The following CADM2 variants were observed in gnomAD, a reference collection of about 807,000 sequenced individuals.
The protein encoded by CADM2 is cell adhesion molecule 2.
In CADM2, 12 loss-of-function variants were observed where a neutral mutation model predicts 49.8. The ratio of observed to expected loss-of-function variants is 0.24; its 90% confidence interval spans 0.15 to 0.39. The LOEUF (loss-of-function observed/expected upper bound fraction) is 0.39. Ranked by LOEUF, CADM2 falls within the 10% of genes least tolerant of loss-of-function variation. The pLI is 1.00. For synonymous variants in CADM2, 214 were observed against 175.4 expected (o/e 1.22, Z -1.74); for missense variants, 378 against 492.3 (o/e 0.77, Z 2.20).
intron 8 of CADM2, among the ~76,000 whole-genome samples, chr3:86,040,810 A>C (rs1286334491): frequency 6.6e-6 from 1 of 152,170 alleles, no homozygotes; most frequent in Non-Finnish European, 1.5e-5. Flanking sequence ...TGAAGGAAAA[A>C]ATGTTAAGGG....
intron 2 of CADM2, among the ~76,000 whole-genome samples, chr3:85,747,616 C>A (rs1173415000): frequency 6.6e-6 from 1 of 151,998 alleles, no homozygotes; most frequent in Non-Finnish European, 1.5e-5. Flanking sequence ...CTATGATGTT[C>A]TGGTGCCTTA....
At chr3:85,183,662 ATTCCATACAAAGTT>A (rs1353888450) in intron 1 of CADM2, among the ~76,000 whole-genome samples, 1 of 152,174 alleles carries the variant, frequency 6.6e-6, no homozygotes, top group Non-Finnish European at 1.5e-5. Context: ...AAATCTTACT[ATTCCATACAAAGTT>A]GAGCTATCCA....
chr3:85,406,517 C>T (rs1017933949), intron 1 of CADM2, among the ~76,000 whole-genome samples: 9 of 152,116 alleles, frequency 5.9e-5, no homozygotes, highest in African/African-American at 1.2e-4. Context: ...CCTTGCTGTA[C>T]GTGTTTGTAT....
intron 1 of CADM2, among the ~76,000 whole-genome samples, chr3:85,150,968 G>A (rs902514447): frequency 6.6e-6 from 1 of 150,558 alleles, no homozygotes; most frequent in African/African-American, 2.4e-5. Flanking sequence ...GGATGGCAAA[G>A]AACCTTTATA....
intron 1 of CADM2, among the ~76,000 whole-genome samples, chr3:85,034,668 A>G (rs1348536089): frequency 2.0e-5 from 3 of 151,930 alleles, no homozygotes; most frequent in African/African-American, 7.3e-5. Flanking sequence ...AGGAACCTCC[A>G]TACTGTTCTC....
chr3:85,526,827 A>G (rs2061168544), intron 1 of CADM2, among the ~76,000 whole-genome samples: 1 of 152,132 alleles, frequency 6.6e-6, no homozygotes, highest in African/African-American at 2.4e-5. Flanking sequence ...AAATACAAGT[A>G]TTATCCCCAT....
chr3:85,330,770 A>G (rs2044895989), intron 1 of CADM2, among the ~76,000 whole-genome samples: 1 of 149,736 alleles, frequency 6.7e-6, no homozygotes, highest in Non-Finnish European at 1.5e-5. Context: ...CAGCCTGAGC[A>G]ACATAGGGAG....
At chr3:85,370,743 G>T (rs1360699249) in intron 1 of CADM2, among the ~76,000 whole-genome samples, 1 of 152,006 alleles carries the variant, frequency 6.6e-6, no homozygotes, top group African/African-American at 2.4e-5. Context: ...CTGAGGCAGG[G>T]CCTTCAGGAG....
At chr3:85,361,476 T>C (rs1376161525) in intron 1 of CADM2, among the ~76,000 whole-genome samples, 5 of 152,216 alleles carry the variant, frequency 3.3e-5, no homozygotes, top group African/African-American at 1.2e-4. Flanking sequence ...AAATGAGTTA[T>C]CTGATCCATA....
chr3:85,617,874 A>G (rs568840330), intron 1 of CADM2, among the ~76,000 whole-genome samples: 12 of 152,382 alleles, frequency 7.9e-5, no homozygotes, highest in Non-Finnish European at 1.2e-4. Context: ...ATCTAAAACC[A>G]GAAACATTGA....
chr3:85,845,203 T>G (rs1577459207), intron 3 of CADM2, among the ~76,000 whole-genome samples: 1 of 150,096 alleles, frequency 6.7e-6, no homozygotes, highest in Non-Finnish European at 1.5e-5. Context: ...AAGAAAAACT[T>G]GTAGGCACCA....
At chr3:85,746,196 A>C (rs2068614443) in intron 2 of CADM2, among the ~76,000 whole-genome samples, 1 of 152,222 alleles carries the variant, frequency 6.6e-6, no homozygotes, top group African/African-American at 2.4e-5. Flanking sequence ...CAGTAATAAC[A>C]TCAAAAGCCA....
At chr3:85,984,691 A>G (rs566876426) in intron 8 of CADM2, among the ~76,000 whole-genome samples, 98 of 152,048 alleles carry the variant, frequency 6.4e-4, no homozygotes, top group African/African-American at 2.3e-3. Flanking sequence ...GTGGATTCAA[A>G]TACACCATAC....
intron 1 of CADM2, among the ~76,000 whole-genome samples, chr3:85,062,061 GTC>G (rs1234329666): frequency 2.7e-5 from 4 of 148,310 alleles, no homozygotes; most frequent in Non-Finnish European, 4.5e-5. Context: ...CTCTCTCTCT[GTC>G]TCTCTCTCAC....
chr3:85,864,804 C>G (rs2075664196), intron 3 of CADM2, among the ~76,000 whole-genome samples: 1 of 152,156 alleles, frequency 6.6e-6, no homozygotes, highest in Non-Finnish European at 1.5e-5. Context: ...GTAACTGATA[C>G]AAAATATTAT....
At chr3:85,182,216 CA>C (rs1408750681) in intron 1 of CADM2, among the ~76,000 whole-genome samples, 1 of 151,918 alleles carries the variant, frequency 6.6e-6, no homozygotes, top group Non-Finnish European at 1.5e-5. Context: ...CTACCTTCTC[CA>C]GGGGGAGGAG....
At chr3:85,786,324 C>T (rs967914799) in intron 2 of CADM2, among the ~76,000 whole-genome samples, 6 of 151,954 alleles carry the variant, frequency 3.9e-5, no homozygotes, top group Non-Finnish European at 8.8e-5. Context: ...ATTTCTTTAG[C>T]AAATTTATCT....
At chr3:85,181,399 T>C (rs1055567906) in intron 1 of CADM2, among the ~76,000 whole-genome samples, 6 of 152,104 alleles carry the variant, frequency 3.9e-5, no homozygotes, top group Non-Finnish European at 5.9e-5. Context: ...GGATGTTGTC[T>C]TTCATTGAGA....
chr3:84,993,407 A>G (rs180812351), intron 1 of CADM2, among the ~76,000 whole-genome samples: 66 of 152,302 alleles, frequency 4.3e-4, no homozygotes, highest in Non-Finnish European at 8.1e-4. Flanking sequence ...GACAAGGAAA[A>G]AGGAACACTG....
Sources: allele counts gnomAD v4.1 joint callset (sites outside exome capture counted in the v4.1 genomes callset), GRCh38; gene constraint gnomAD v4.1.1; transcripts MANE v1.5; gene names NCBI Gene and HGNC (gene_info 2026-07-23, HGNC 2026-07-21).